Variants in NPAS3 observed in about 807,000 individuals in gnomAD.
NPAS3 encodes the protein neuronal PAS domain protein 3.
A neutral mutation model predicts 73.1 loss-of-function variants in NPAS3; 14 were observed. The observed-to-expected ratio is 0.19, with a 90% CI of 0.13 to 0.30. The LOEUF (loss-of-function observed/expected upper bound fraction) is 0.30. Ranked by LOEUF, NPAS3 falls within the 10% of genes least tolerant of loss-of-function variation. The probability of loss-of-function intolerance (pLI) is 1.00; values close to 1 mark genes in which losing one functional copy is unlikely to be tolerated. For synonymous variants in NPAS3, 620 were observed against 541.5 expected, an observed-to-expected ratio of 1.14 and a Z score of -2.01; for missense variants, 1,096 against 1,250.0, an observed-to-expected ratio of 0.88 and a Z score of 1.86.
rs185788474 is a variant in NPAS3 at position 33,723,314 on chromosome 14, T to C, written c.734-11900T>C. Among the ~76,000 whole-genome samples, 12 of 152,300 alleles carry C rather than the reference T, an allele frequency of 7.9e-5. No homozygotes were observed. The East Asian group carries it at 2.3e-3, about 29-fold the overall frequency. On this transcript the variant is annotated intron_variant, in intron 6 of 11. Transcript: ENST00000356141. ...CTTCCTCTGTGTCACATTAAATCTT[T>C]ATTCTTCTAGGAAAAGGGCTGCCGG... is the stretch of plus-strand genomic sequence containing the variant.
chr14:33,096,871 T>G (rs1374312414), intron 2 of NPAS3, among the ~76,000 whole-genome samples: 1 of 152,200 alleles, frequency 6.6e-6, no homozygotes, highest in East Asian at 1.9e-4. Context: ...GATTCACTAC[T>G]TGGTAATATT....
intron 3 of NPAS3, among the ~76,000 whole-genome samples, chr14:33,278,292 T>A (rs987247185): frequency 6.6e-6 from 1 of 152,140 alleles, no homozygotes; most frequent in African/African-American, 2.4e-5. Context: ...TGTGGAAGTA[T>A]ACATTTCAGA....
chr14:33,666,896 CTTTCATGTCAT>C (rs1407358221), intron 5 of NPAS3, among the ~76,000 whole-genome samples: 1 of 152,134 alleles, frequency 6.6e-6, no homozygotes, highest in East Asian at 1.9e-4. Flanking sequence ...TACCTCTTCC[CTTTCATGTCAT>C]TTTCATGTTC....
At chr14:33,082,426 G>A (rs1315533015) in intron 2 of NPAS3, among the ~76,000 whole-genome samples, 1 of 152,188 alleles carries the variant, frequency 6.6e-6, no homozygotes, top group Non-Finnish European at 1.5e-5. Context: ...GAATTTTGCT[G>A]ACTCTGTCCA....
chr14:33,593,931 G>A (rs2057154456), intron 5 of NPAS3, among the ~76,000 whole-genome samples: 1 of 152,124 alleles, frequency 6.6e-6, no homozygotes, highest in Admixed American at 6.5e-5. Context: ...AGCATCCTGT[G>A]CATACCTCTC....
chr14:33,446,938 G>A (rs114136673), intron 4 of NPAS3, among the ~76,000 whole-genome samples: 1,808 of 152,300 alleles, frequency 0.012, 32 homozygotes, highest in African/African-American at 0.031. Context: ...ATACAACTAC[G>A]TTTGTATGTA....
intron 2 of NPAS3, among the ~76,000 whole-genome samples, chr14:33,094,727 A>T (rs1054841409): frequency 6.6e-6 from 1 of 152,138 alleles, no homozygotes; most frequent in Non-Finnish European, 1.5e-5. Flanking sequence ...TGGCCTCCCA[A>T]ATTGCTGGGA....
intron 4 of NPAS3, among the ~76,000 whole-genome samples, chr14:33,420,704 T>G (rs2048330421): frequency 6.6e-6 from 1 of 151,894 alleles, no homozygotes; most frequent in Non-Finnish European, 1.5e-5. Context: ...AGGAAATACT[T>G]AAGAATTTGG....
chr14:32,983,514 A>G (rs1421650939), intron 1 of NPAS3, among the ~76,000 whole-genome samples: 2 of 152,130 alleles, frequency 1.3e-5, no homozygotes, highest in African/African-American at 2.4e-5. Flanking sequence ...CAATAATATT[A>G]AGTGCAAAAT....
chr14:33,200,257 A>G (rs1367127135), intron 2 of NPAS3, among the ~76,000 whole-genome samples: 2 of 151,828 alleles, frequency 1.3e-5, no homozygotes, highest in Non-Finnish European at 2.9e-5. Context: ...ATATAGACAT[A>G]TAATTATTTT....
chr14:33,407,883 A>G (rs57952556), intron 4 of NPAS3, among the ~76,000 whole-genome samples: 16,137 of 152,170 alleles, frequency 0.11, 1,222 homozygotes, highest in East Asian at 0.41. Context: ...AAATGCTTAC[A>G]GCATAGGTCG....
At chr14:33,183,855 T>C (rs1472771785) in intron 2 of NPAS3, among the ~76,000 whole-genome samples, 1 of 152,182 alleles carries the variant, frequency 6.6e-6, no homozygotes, top group Non-Finnish European at 1.5e-5. Flanking sequence ...CTGCAAGCCA[T>C]ATTCATGTGC....
At chr14:33,254,021 C>T (rs2048685355) in intron 3 of NPAS3, among the ~76,000 whole-genome samples, 2 of 152,250 alleles carry the variant, frequency 1.3e-5, no homozygotes, top group South Asian at 4.1e-4. Context: ...CATTCTACTT[C>T]TTATTCAAGT....
At chr14:33,006,847 G>C (rs1187891309) in intron 1 of NPAS3, among the ~76,000 whole-genome samples, 1 of 152,244 alleles carries the variant, frequency 6.6e-6, no homozygotes, top group Non-Finnish European at 1.5e-5. Context: ...ACACAACCTG[G>C]CAAGCCAAGT....
intron 3 of NPAS3, among the ~76,000 whole-genome samples, chr14:33,325,090 G>A (rs1566797214): frequency 6.6e-6 from 1 of 152,140 alleles, no homozygotes. Context: ...CTATATACTG[G>A]TATGTGGATA....
intron 6 of NPAS3, among the ~76,000 whole-genome samples, chr14:33,696,049 C>G (rs1168917398): frequency 6.6e-6 from 1 of 152,148 alleles, no homozygotes; most frequent in African/African-American, 2.4e-5. Flanking sequence ...AAACCTCTAC[C>G]TTGATGTCAT....
At position 33,286,382 on chromosome 14, in the gene NPAS3, C is replaced by T. The variant is rs575993710; in HGVS notation, c.385+70956C>T. On this transcript the variant is annotated intron_variant, in intron 3 of 11. Coordinates refer to ENST00000356141, the Ensembl canonical transcript of NPAS3. ...TTATTCATTCCTTTATTCATTCTGCCAACTATCTGTGGATACAGAGATAGT... is the reference window on the plus strand; with the variant it reads ...TTATTCATTCCTTTATTCATTCTGCTAACTATCTGTGGATACAGAGATAGT... Among the ~76,000 whole-genome samples the T allele has an allele frequency of 3.3e-5, 5 of 152,168 alleles. No homozygotes were observed. The East Asian group carries it at 9.6e-4, about 29-fold the overall frequency.
chr14:33,138,861 G>A (rs1035172727), intron 2 of NPAS3, among the ~76,000 whole-genome samples: 1 of 152,180 alleles, frequency 6.6e-6, no homozygotes, highest in Admixed American at 6.5e-5. Flanking sequence ...TACTTGGACA[G>A]TATTTTCTTA....
At chr14:33,689,637 C>G (rs943822033) in intron 6 of NPAS3, among the ~76,000 whole-genome samples, 3 of 152,138 alleles carry the variant, frequency 2.0e-5, no homozygotes, top group Non-Finnish European at 2.9e-5. Flanking sequence ...CACACATACA[C>G]CCTACATGAG....
Sources: gnomAD v4.1 joint callset for allele counts (sites outside exome capture counted in the v4.1 genomes callset) on GRCh38, gnomAD v4.1.1 for gene constraint, MANE v1.5 for transcripts, NCBI Gene and HGNC (gene_info 2026-07-23, HGNC 2026-07-21) for gene names.